Variants in NKAIN2 observed in about 807,000 individuals in gnomAD.
NKAIN2 encodes sodium/potassium transporting ATPase interacting 2.
Under a neutral mutation model 32.6 loss-of-function variants are expected in NKAIN2, and 14 were observed. The observed-to-expected ratio is 0.43, with a 90% CI of 0.28 to 0.67. The LOEUF is 0.67. NKAIN2 is among the 30% of genes least tolerant of loss of function. The probability of loss-of-function intolerance (pLI) is 0.17; values close to 1 mark genes in which losing one functional copy is unlikely to be tolerated. For synonymous variants in NKAIN2, 80 were observed against 87.2 expected, an observed-to-expected ratio of 0.92 and a Z score of 0.46; for missense variants, 198 against 258.3, an observed-to-expected ratio of 0.77 and a Z score of 1.60.
intron 3 of NKAIN2, among the ~76,000 whole-genome samples, chr6:124,440,570 A>G (rs1208975357): frequency 6.6e-6 from 1 of 152,030 alleles, no homozygotes; most frequent in East Asian, 1.9e-4. Context: ...AAATTGGGCA[A>G]GTGAGTACCA....
At chr6:123,832,229 T>C (rs1182457562) in intron 1 of NKAIN2, among the ~76,000 whole-genome samples, 1 of 152,232 alleles carries the variant, frequency 6.6e-6, no homozygotes, top group Non-Finnish European at 1.5e-5. Flanking sequence ...TCATACAATA[T>C]GTAGCCATTT....
rs957568295 is a variant in NKAIN2 at position 124,095,602 on chromosome 6, A to C, written c.55-187403A>C. Among the ~76,000 whole-genome samples the C allele has an allele frequency of 2.6e-5, 4 of 152,132 alleles. No individual in the cohort carries two copies. In the East Asian group the frequency reaches 7.7e-4, roughly 29 times the overall value. On this transcript the variant is annotated intron_variant, in intron 1 of 6. Transcript: ENST00000368417. ...AGTTATACTCAAATGTATATTTTCT[A>C]TTCTGCATAATTTTGATGAAAATAC...
chr6:124,820,939 G>A lies in NKAIN2; in HGVS notation c.618-2281G>A, dbSNP rs1582582137. 2.0e-5 allele frequency among the ~76,000 whole-genome samples: 3 copies of A among 152,106 alleles called. No individual in the cohort carries two copies. In the East Asian group the frequency reaches 5.8e-4, roughly 29 times the overall value. On this transcript the variant is annotated intron_variant, in intron 6 of 6. Coordinates refer to ENST00000368417, the MANE Select transcript of NKAIN2 (RefSeq NM_001040214.3). ...CAAAACCAGTCTCTGGTACCAAAAAGGTTGAGGACTGCTGACATATAACAT... is the reference window on the plus strand; with the variant it reads ...CAAAACCAGTCTCTGGTACCAAAAAAGTTGAGGACTGCTGACATATAACAT...
At chr6:124,344,740 A>G (rs937389004) in intron 2 of NKAIN2, among the ~76,000 whole-genome samples, 1 of 152,142 alleles carries the variant, frequency 6.6e-6, no homozygotes, top group East Asian at 1.9e-4. Flanking sequence ...GGGCTGAGAC[A>G]ATGGGGTTTT....
intron 1 of NKAIN2, among the ~76,000 whole-genome samples, chr6:123,887,466 A>T (rs1430342254): frequency 6.6e-6 from 1 of 152,158 alleles, no homozygotes; most frequent in African/African-American, 2.4e-5. Context: ...AATCAGGGAT[A>T]ATTGGTGGCA....
At chr6:124,716,303 G>GT (rs1171463000) in intron 4 of NKAIN2, among the ~76,000 whole-genome samples, 4 of 152,168 alleles carry the variant, frequency 2.6e-5, no homozygotes, top group African/African-American at 9.7e-5. Context: ...TCCCAAACAA[G>GT]TTTTTTATCT....
intron 1 of NKAIN2, among the ~76,000 whole-genome samples, chr6:124,227,749 C>T (rs554777811): frequency 6.6e-6 from 1 of 152,242 alleles, no homozygotes; most frequent in Admixed American, 6.5e-5. Flanking sequence ...GGTATGACTT[C>T]TTAGCTTACA....
chr6:123,970,031 AAAC>A (rs940141144), intron 1 of NKAIN2, among the ~76,000 whole-genome samples: 7 of 152,200 alleles, frequency 4.6e-5, no homozygotes, highest in African/African-American at 9.6e-5. Context: ...ATAATTTTAA[AAAC>A]AAGATATGAG....
intron 1 of NKAIN2, among the ~76,000 whole-genome samples, chr6:123,940,579 G>A (rs985593556): frequency 2.0e-5 from 3 of 151,948 alleles, no homozygotes; most frequent in Non-Finnish European, 2.9e-5. Flanking sequence ...TTACTATATT[G>A]TAGGCACTTG....
At chr6:124,721,747 C>T (rs898721308) in intron 4 of NKAIN2, among the ~76,000 whole-genome samples, 3 of 152,120 alleles carry the variant, frequency 2.0e-5, no homozygotes, top group Non-Finnish European at 4.4e-5. Context: ...GGCAATGGCC[C>T]GTTCACCCAT....
chr6:124,643,233 C>T (rs894747305), intron 3 of NKAIN2, among the ~76,000 whole-genome samples: 2 of 152,160 alleles, frequency 1.3e-5, no homozygotes, highest in South Asian at 2.1e-4. Flanking sequence ...TCAATCTAGC[C>T]GCAGTTTATC....
chr6:124,742,195 G>A (rs1777245023), intron 4 of NKAIN2, among the ~76,000 whole-genome samples: 1 of 151,790 alleles, frequency 6.6e-6, no homozygotes, highest in Non-Finnish European at 1.5e-5. Flanking sequence ...CCCAGATAGA[G>A]GGTAAAAAAC....
intron 3 of NKAIN2, among the ~76,000 whole-genome samples, chr6:124,572,934 A>G (rs1781183736): frequency 6.6e-6 from 1 of 151,936 alleles, no homozygotes; most frequent in African/African-American, 2.4e-5. Context: ...CCGCCTCCCC[A>G]GTTCAAGCAA....
chr6:124,365,847 G>T (rs1799495068), intron 3 of NKAIN2, among the ~76,000 whole-genome samples: 1 of 151,968 alleles, frequency 6.6e-6, no homozygotes, highest in African/African-American at 2.4e-5. Context: ...TAGAAAATCT[G>T]CAACTGTGTG....
intron 1 of NKAIN2, among the ~76,000 whole-genome samples, chr6:124,147,766 C>G (rs1032072912): frequency 6.6e-6 from 1 of 152,126 alleles, no homozygotes; most frequent in Non-Finnish European, 1.5e-5. Flanking sequence ...CCACAAGCTA[C>G]TTCTTTTAAT....
chr6:124,615,572 A>T (rs928378956), intron 3 of NKAIN2, among the ~76,000 whole-genome samples: 1 of 152,340 alleles, frequency 6.6e-6, no homozygotes, highest in Non-Finnish European at 1.5e-5. Context: ...GAACTAGCAT[A>T]CAGGATTTTA....
chr6:124,254,019 G>T (rs1279429205), intron 1 of NKAIN2, among the ~76,000 whole-genome samples: 1 of 150,864 alleles, frequency 6.6e-6, no homozygotes, highest in Non-Finnish European at 1.5e-5. Context: ...GTTTCACAAT[G>T]TTGGCCAAGA....
At chr6:124,330,046 G>A (rs1326650233) in intron 2 of NKAIN2, among the ~76,000 whole-genome samples, 2 of 152,168 alleles carry the variant, frequency 1.3e-5, no homozygotes, top group Admixed American at 6.5e-5. Flanking sequence ...TCAAGAAGTA[G>A]CACCATTTTG....
intron 1 of NKAIN2, among the ~76,000 whole-genome samples, chr6:123,895,106 C>G (rs939326028): frequency 1.3e-5 from 2 of 151,232 alleles, no homozygotes; most frequent in Non-Finnish European, 2.9e-5. Context: ...TACTGTTCTG[C>G]TGCCTCCTCC....
Sources: allele counts gnomAD v4.1 joint callset (sites outside exome capture counted in the v4.1 genomes callset), GRCh38; gene constraint gnomAD v4.1.1; transcripts MANE v1.5; gene names NCBI Gene and HGNC (gene_info 2026-07-23, HGNC 2026-07-21).